SV2A: variants seen among roughly 807,000 people sequenced by gnomAD.
SV2A encodes the protein solute carrier family 22 member B1.
In SV2A, 25 loss-of-function variants were observed where a neutral mutation model predicts 78.0. The ratio of observed to expected loss-of-function variants is 0.32; its 90% CI spans 0.23 to 0.45. The LOEUF is 0.45. SV2A is among the 20% of genes least tolerant of loss of function. The probability of loss-of-function intolerance (pLI) is 1.00; values close to 1 mark genes in which losing one functional copy is unlikely to be tolerated. For missense variants in SV2A, 752 were observed against 971.5 expected, an observed-to-expected ratio of 0.77 and a Z score of 3.00; for synonymous variants, 355 against 384.7, an observed-to-expected ratio of 0.92 and a Z score of 0.90.
At chr1:149,915,006 C>T (rs1181471583) in intron 1 of SV2A, among the ~76,000 whole-genome samples, 2 of 152,156 alleles carry the variant, frequency 1.3e-5, no homozygotes, top group African/African-American at 4.8e-5. Flanking sequence ...GGAAGGGACA[C>T]TGGCAAGGAG....
rs782761492 is a variant in SV2A, at chr1:149,909,291, CCAGA to C, written c.1291-15_1291-12del. The stretch of plus-strand genomic sequence containing the variant: ...AAAATTCCCCCAAACCTACAGGGGA[CCAGA>C]CAAAGTCAGACCTTGACTATACTAA... On this transcript the variant is annotated splice_polypyrimidine_tract_variant and intron_variant, in intron 7 of 12. Transcript: ENST00000369146. The C allele has an allele frequency of 5.6e-6, 9 of 1,613,588 alleles. No homozygotes were observed. Among genetic ancestry groups the C allele is most frequent in the South Asian group, 5.5e-5 (5 of 91,068 alleles).
At chr1:149,909,604 ACT>A (rs1553763402) in intron 6 of SV2A, 33 bp from the exon 7 acceptor site, 4 of 1,591,846 alleles carry the variant, frequency 2.5e-6, no homozygotes, top group African/African-American at 1.3e-5. Flanking sequence ...GCAGTCACAC[ACT>A]CTGTGTTTCC....
intron 8 of SV2A, among the ~76,000 whole-genome samples, chr1:149,908,826 C>T (rs1043611704): frequency 5.9e-5 from 9 of 152,034 alleles, no homozygotes; most frequent in Admixed American, 3.9e-4. Flanking sequence ...TTAGTAGAGA[C>T]GGGGTTTCAC....
intron 1 of SV2A, 59 bp downstream of exon 1, chr1:149,917,680 G>T: frequency 6.6e-6 from 1 of 152,398 alleles, no homozygotes. Context: ...TGCAAGGCAA[G>T]GCAAAGATGC....
At chr1:149,909,939 C>G in intron 5 of SV2A, 49 bp from the exon 6 acceptor site, 1 of 1,581,946 alleles carries the variant, frequency 6.3e-7, no homozygotes, top group South Asian at 1.1e-5. Context: ...CCTACCTGAC[C>G]CAGAGTTATA....
chr1:149,909,894 G>A lies in SV2A; in HGVS notation c.1090-4C>T. The A allele has an allele frequency of 6.2e-7, 1 of 1,613,924 alleles. No individual in the cohort carries two copies. The highest frequency in any genetic ancestry group is 8.5e-7 in the Non-Finnish European group (1 of 1,179,950). On this transcript the variant is annotated splice_polypyrimidine_tract_variant and splice_region_variant and intron_variant, in intron 5 of 12. Coordinates refer to ENST00000369146, the MANE Select transcript of SV2A (RefSeq NM_014849.5). The stretch of plus-strand genomic sequence containing the variant: ...AGGCCTCATCATGCTTTCCATTCTA[G>A]AGCCAAAGACACAATCCCCACATCC...
Position 149,914,055 on chromosome 1 carries a change from A to G in SV2A, c.-215T>C. On this transcript the variant is annotated 5_prime_UTR_variant, in exon 2 of 13. Coordinates refer to ENST00000369146, the MANE Select transcript of SV2A (RefSeq NM_014849.5). Reference sequence around the variant, plus strand: ...AGGAGAGGAGCTTTGACCTATACCCAGTTCAGTTGGGTGGATGGGGAAGGG... The same window carrying G: ...AGGAGAGGAGCTTTGACCTATACCCGGTTCAGTTGGGTGGATGGGGAAGGG... The G allele has an allele frequency of 1.7e-6, 1 of 584,112 alleles. No homozygotes were observed. The highest frequency in any genetic ancestry group is 2.7e-6 in the Non-Finnish European group (1 of 366,002). The allele number at this position is 584,112 out of a possible 1,614,324, so 36.2% of individuals were successfully genotyped here.
rs782071934 is a variant in SV2A, at chr1:149,913,707, G to T, written c.134C>A (p.Ser45Ter). The stretch of plus-strand genomic sequence containing the variant: ...ATCCTCCTCCTCAAAGCGGGAGTAC[G>T]ATCTTCGGGAATATTCGTCCTGGAC... ...DRVQDEYSRR[S>*]YSRFEEEDDD... Residue 45 changes from serine to a stop codon, truncating the protein, a stop_gained, in exon 2 of 13, where the codon TCG becomes TAG. Transcript: ENST00000369146. LOFTEE classifies it high-confidence loss of function. 1 of 1,614,076 alleles carries T rather than the reference G, an allele frequency of 6.2e-7. No homozygotes were observed. The highest frequency in any genetic ancestry group is 8.5e-7 in the Non-Finnish European group (1 of 1,180,014).
At position 149,910,015 on chromosome 1, in the gene SV2A, C is replaced by A; in HGVS notation, c.1090-125G>T. On this transcript the variant is annotated intron_variant, in intron 5 of 12. Transcript: ENST00000369146. The surrounding 1 kb of genome is among the most constrained non-coding windows in gnomAD (Gnocchi z 4.2). ...CTAAATGGTTCCCAGCCCTCAACCC[C>A]ACCACCAAGCCCTGACCTATGGGCA... The A allele has an allele frequency of 1.2e-6, 1 of 833,340 alleles. No individual in the cohort carries two copies. The highest frequency in any genetic ancestry group is 2.0e-5 in the Admixed American group (1 of 48,834). The allele number at this position is 833,340 out of a possible 1,614,324, so 51.6% of individuals were successfully genotyped here. A position where few individuals can be genotyped will look rare whatever the true frequency, so the allele number is the denominator to read the frequency against.
chr1:149,915,909 ACACG>A (rs1175026585), intron 1 of SV2A, among the ~76,000 whole-genome samples: 1 of 151,740 alleles, frequency 6.6e-6, no homozygotes, highest in Non-Finnish European at 1.5e-5. Context: ...ACACACACAC[ACACG>A]CACACACACA....
chr1:149,916,000 T>G (rs2092511289), intron 1 of SV2A, among the ~76,000 whole-genome samples: 1 of 152,068 alleles, frequency 6.6e-6, no homozygotes. Flanking sequence ...CCTTATCCCC[T>G]CAGGACAGAT....
chr1:149,912,444 T>C (rs957492698), intron 2 of SV2A, among the ~76,000 whole-genome samples: 1 of 152,100 alleles, frequency 6.6e-6, no homozygotes, highest in Non-Finnish European at 1.5e-5. Context: ...ACAAAATCCA[T>C]CCTTTACTCC....
At chr1:149,909,639 T>G in intron 6 of SV2A, 68 bp from the exon 7 acceptor site, 1 of 1,513,668 alleles carries the variant, frequency 6.6e-7, no homozygotes. Context: ...GGCGCCTCAG[T>G]TTCCCCTGCA....
At chr1:149,907,605 G>T (rs1157503593) in intron 10 of SV2A, 95 bp downstream of exon 10, 1 of 1,458,560 alleles carries the variant, frequency 6.9e-7, no homozygotes, top group Admixed American at 2.3e-5. Flanking sequence ...AGGGATCTCA[G>T]CTTGAGAACC....
chr1:149,914,138 G>A lies in SV2A; in HGVS notation c.-298C>T. 2 of 328,288 alleles carry A rather than the reference G, an allele frequency of 6.1e-6. No individual in the cohort carries two copies. Among genetic ancestry groups the A allele is most frequent in the Non-Finnish European group, 1.1e-5 (2 of 179,022 alleles). 20.3% of individuals were successfully genotyped at this position (328,288 alleles called of 1,614,324 possible). A position where few individuals can be genotyped will look rare whatever the true frequency, so the allele number is the denominator to read the frequency against. On this transcript the variant is annotated 5_prime_UTR_variant, in exon 2 of 13. Coordinates refer to ENST00000369146, the MANE Select transcript of SV2A (RefSeq NM_014849.5). ...GGAGCCAGATTGGGAGGCTAAGCCA[G>A]GATAACTCAGGAAGGGTCGCCTGCT...
Position 149,905,217 on chromosome 1 carries a change from T to G in SV2A, c.2046-20A>C. The G allele has an allele frequency of 1.9e-6, 3 of 1,595,566 alleles. No homozygotes were observed. Among genetic ancestry groups the G allele is most frequent in the Non-Finnish European group, 2.6e-6 (3 of 1,171,022 alleles). On this transcript the variant is annotated intron_variant, in intron 12 of 12. Coordinates refer to ENST00000369146, the MANE Select transcript of SV2A (RefSeq NM_014849.5). ...GTGGTCCTGCTCAGGAGTCCCCCAG[T>G]GCAGCACGGCGCAAGGTACAGGAGG...
intron 3 of SV2A, among the ~76,000 whole-genome samples, chr1:149,911,243 G>A (rs2092473426): frequency 6.6e-6 from 1 of 152,188 alleles, no homozygotes; most frequent in African/African-American, 2.4e-5. Flanking sequence ...GGGCGGGAAA[G>A]TAATTGCAGA....
At position 149,913,730 on chromosome 1, in the gene SV2A, G is replaced by A; in HGVS notation, c.111C>T (p.Val37=). The change falls in exon 2 of 13, where the codon GTC becomes GTT. Residue 37 remains valine, a synonymous_variant. Transcript: ENST00000369146. ...ACGATCTTCGGGAATATTCGTCCTG[G>A]ACTCTGTCCAGGCCCTTCACCACCT... ...AKKVVKGLDR[V]QDEYSRRSYS... The A allele has an allele frequency of 6.2e-7, 1 of 1,614,000 alleles. No individual in the cohort carries two copies. Among genetic ancestry groups the A allele is most frequent in the Non-Finnish European group, 8.5e-7 (1 of 1,180,006 alleles).
chr1:149,910,597 C>G lies in SV2A; in HGVS notation c.1062G>C (p.Gln354His). 1 of 1,611,748 alleles carries G rather than the reference C, an allele frequency of 6.2e-7. No homozygotes were observed. Among genetic ancestry groups the G allele is most frequent in the South Asian group, 1.1e-5 (1 of 90,638 alleles). The change falls in exon 5 of 13, where the codon CAG becomes CAC. Residue 354 changes from glutamine (Q) to histidine (H), a missense_variant. Physicochemically the swap from Gln to His is conservative, Grantham distance 24 (BLOSUM62 0). Transcript: ENST00000369146. The surrounding 1 kb of genome is among the most constrained non-coding windows in gnomAD (Gnocchi z 4.2). The part of the protein sequence containing the change: ...SVFAIGALTT[Q>H]PESPRFFLEN... ...CTAGGAAGAAACGGGGGCTCTCAGGCTGCGTGGTCAGAGCCCCAATGGCAA... is the reference window on the plus strand; with the variant it reads ...CTAGGAAGAAACGGGGGCTCTCAGGGTGCGTGGTCAGAGCCCCAATGGCAA...
Sources: allele counts gnomAD v4.1 joint callset (sites outside exome capture counted in the v4.1 genomes callset), GRCh38; gene constraint gnomAD v4.1.1; non-coding constraint Gnocchi (gnomAD v3.1); transcripts MANE v1.5; gene names NCBI Gene and HGNC (gene_info 2026-07-23, HGNC 2026-07-21).